Variants in OGA observed in about 807,000 individuals in gnomAD.
OGA encodes the protein protein O-GlcNAcase.
OGA carries 21 observed loss-of-function variants against 102.0 expected under a neutral mutation model. The ratio of observed to expected loss-of-function variants is 0.21; its 90% CI spans 0.15 to 0.30. OGA has a LOEUF of 0.30. Among genes scored for constraint, OGA ranks in the 10% least tolerant of loss-of-function variants. The pLI is 1.00. For missense variants in OGA, 765 were observed against 1,107.8 expected, an observed-to-expected ratio of 0.69 and a Z score of 4.39; for synonymous variants, 408 against 378.2, an observed-to-expected ratio of 1.08 and a Z score of -0.91.
chr10:101,801,719 G>T (rs555272339), intron 7 of OGA, among the ~76,000 whole-genome samples: 27 of 152,258 alleles, frequency 1.8e-4, no homozygotes, highest in African/African-American at 6.5e-4. Context: ...CCAAACAAAA[G>T]GGAGACATTA....
chr10:101,786,331 G>A lies in OGA; in HGVS notation c.*120C>T. The A allele has an allele frequency of 9.3e-7, 1 of 1,079,928 alleles. No individual in the cohort carries two copies. The highest frequency in any genetic ancestry group is 3.0e-5 in the Admixed American group (1 of 33,732). The allele number at this position is 1,079,928 out of a possible 1,614,324, so 66.9% of individuals were successfully genotyped here. A position where few individuals can be genotyped will look rare whatever the true frequency, so the allele number is the denominator to read the frequency against. On this transcript the variant is annotated 3_prime_UTR_variant, in exon 16 of 16. Transcript: ENST00000361464. ...GGGTGAGTTTTACATAGTCTTCTTT[G>A]TTTCGAATCCAATTGGCTGATTTGT...
chr10:101,815,397 G>GTC (rs929258173), intron 1 of OGA, among the ~76,000 whole-genome samples: 18 of 151,864 alleles, frequency 1.2e-4, no homozygotes, highest in African/African-American at 4.4e-4. Flanking sequence ...CGATTCTCCT[G>GTC]TCTCAGCCTC....
At chr10:101,792,143 C>G (rs1363401924) in intron 12 of OGA, among the ~76,000 whole-genome samples, 1 of 152,164 alleles carries the variant, frequency 6.6e-6, no homozygotes, top group East Asian at 1.9e-4. Flanking sequence ...CTCAGCCTCC[C>G]GAGTAGCTGG....
At chr10:101,794,951 T>C (rs1252789157) in intron 10 of OGA, among the ~76,000 whole-genome samples, 1 of 152,212 alleles carries the variant, frequency 6.6e-6, no homozygotes, top group East Asian at 1.9e-4. Flanking sequence ...AGTACAAATA[T>C]AGTGTGCTAG....
Position 101,797,964 on chromosome 10 carries a change from T to C in OGA, c.1984+16A>G. On this transcript the variant is annotated intron_variant, in intron 10 of 15. Transcript: ENST00000361464. ...CAATATATTTGAGGAGAAGAGATTA[T>C]TCCTGGTGCACCTACCTAACCACTG... 6.2e-7 allele frequency: 1 copy of C among 1,605,810 alleles called. No homozygotes were observed. The highest frequency in any genetic ancestry group is 1.1e-5 in the South Asian group (1 of 90,876).
Position 101,791,412 on chromosome 10 carries a change from T to C in OGA, c.2203A>G (p.Met735Val), listed in dbSNP as rs1432545635. Residue 735 changes from methionine to valine, a missense_variant, in exon 13 of 16, where the codon ATG (methionine) becomes GTG (valine). By Grantham distance (21) the Met-to-Val change is conservative. Transcript: ENST00000361464. ...EASVYKICRE[M>V]YDDGVGLPFQ... ...GGTAAACCCACTCCATCGTCATACA[T>C]TTCTCTGCAAATCTTGTACACGGAT... 7 of 1,614,098 alleles carry C rather than the reference T, an allele frequency of 4.3e-6. No individual in the cohort carries two copies. Among genetic ancestry groups the C allele is most frequent in the Non-Finnish European group, 5.9e-6 (7 of 1,179,994 alleles).
chr10:101,792,049 G>A (rs1002703940), intron 12 of OGA, among the ~76,000 whole-genome samples: 4 of 146,428 alleles, frequency 2.7e-5, no homozygotes, highest in Admixed American at 6.8e-5. Flanking sequence ...ACGGAGTCTC[G>A]CTCTGTCGCC....
In OGA at chr10:101,788,304, C is replaced by T. The variant is rs576540695; in HGVS notation, c.2455-781G>A. Among the ~76,000 whole-genome samples the T allele has an allele frequency of 2.9e-5, 4 of 137,974 alleles. No homozygotes were observed. In the Admixed American group the frequency reaches 2.9e-4, roughly 10 times the overall value. The allele number at this position is 137,974 out of a possible 152,430, so 90.5% of individuals were successfully genotyped here. A position where few individuals can be genotyped will look rare whatever the true frequency, so the allele number is the denominator to read the frequency against. On this transcript the variant is annotated intron_variant, in intron 14 of 15. Coordinates refer to ENST00000361464, the MANE Select transcript of OGA (RefSeq NM_012215.5). Reference sequence around the variant, plus strand: ...AACATAAAAAATTAGCCAGTCATGGCGGCGTGCGCCTGTAGTCCCAGCAAC... The same window carrying T: ...AACATAAAAAATTAGCCAGTCATGGTGGCGTGCGCCTGTAGTCCCAGCAAC...
Position 101,812,552 on chromosome 10 carries a change from G to C in OGA, c.349+478C>G, listed in dbSNP as rs529932091. On this transcript the variant is annotated intron_variant, in intron 3 of 15. Transcript: ENST00000361464. ...AGCAAAAGGAACAATCAGTAGTGCT[G>C]ATCCTGTCTTTACCTAAAATTTTAG... Among the ~76,000 whole-genome samples, 53 of 152,318 alleles carry C rather than the reference G, an allele frequency of 3.5e-4. No individual in the cohort carries two copies. The South Asian group carries it at 4.3e-3, about 13-fold the overall frequency.
At chr10:101,816,338 G>C (rs945176603) in intron 1 of OGA, among the ~76,000 whole-genome samples, 1 of 152,174 alleles carries the variant, frequency 6.6e-6, no homozygotes, top group Admixed American at 6.5e-5. Flanking sequence ...ATATACAAGG[G>C]CACGGGAGGG....
At chr10:101,805,597 G>A (rs1164965894) in intron 6 of OGA, among the ~76,000 whole-genome samples, 3 of 151,052 alleles carry the variant, frequency 2.0e-5, no homozygotes, top group Non-Finnish European at 4.4e-5. Context: ...AGAGTTTGCA[G>A]GGAGCTGAGA....
At chr10:101,811,460 T>G (rs2065557337) in intron 3 of OGA, among the ~76,000 whole-genome samples, 1 of 147,564 alleles carries the variant, frequency 6.8e-6, no homozygotes, top group African/African-American at 2.5e-5. Flanking sequence ...CCCAGCACTT[T>G]GAGAGGCCAC....
chr10:101,808,164 G>A (rs539970960), intron 4 of OGA, among the ~76,000 whole-genome samples: 1 of 152,118 alleles, frequency 6.6e-6, no homozygotes, highest in South Asian at 2.1e-4. Flanking sequence ...TTTCATTTTT[G>A]TTTTTTCCTG....
intron 8 of OGA, among the ~76,000 whole-genome samples, 173 bp from the exon 9 acceptor site, chr10:101,799,628 G>A (rs2065363262): frequency 6.6e-6 from 1 of 152,152 alleles, no homozygotes; most frequent in African/African-American, 2.4e-5. Flanking sequence ...TACTACTAGG[G>A]ATGCAGGAAT....
intron 14 of OGA, among the ~76,000 whole-genome samples, chr10:101,789,808 T>C (rs2065235302): frequency 6.6e-6 from 1 of 151,992 alleles, no homozygotes; most frequent in Non-Finnish European, 1.5e-5. Flanking sequence ...ACCCCATCTC[T>C]ACAAAAAAAA....
intron 1 of OGA, among the ~76,000 whole-genome samples, chr10:101,817,169 T>C (rs918796274): frequency 7.2e-5 from 11 of 152,224 alleles, no homozygotes; most frequent in African/African-American, 2.7e-4. Flanking sequence ...GAGAAGGGCA[T>C]TTTTAAAGCC....
At position 101,786,433 on chromosome 10, in the gene OGA, T is replaced by C; in HGVS notation, c.*18A>G. 6.3e-7 allele frequency: 1 copy of C among 1,598,402 alleles called. No homozygotes were observed. The highest frequency in any genetic ancestry group is 8.5e-7 in the Non-Finnish European group (1 of 1,173,614). ...TGCAGTTAAGAGACTTTTGGACAGT[T>C]CACAGTGTCAACAAATGTCACAGGC... On this transcript the variant is annotated 3_prime_UTR_variant, in exon 16 of 16. Transcript: ENST00000361464.
In OGA at chr10:101,817,804, G is replaced by A. The variant is rs1323417530; in HGVS notation, c.199+20C>T. On this transcript the variant is annotated intron_variant, in intron 1 of 15. Coordinates refer to ENST00000361464, the MANE Select transcript of OGA (RefSeq NM_012215.5). ...CAGAACGTGTTAGTGCCAAAACGGG[G>A]AGGGAAGGAGGGCGCTCACCTTCCA... The A allele has an allele frequency of 1.6e-5, 24 of 1,535,874 alleles. No homozygotes were observed. The highest frequency in any genetic ancestry group is 2.0e-5 in the Non-Finnish European group (23 of 1,146,128).
chr10:101,810,411 A>G, intron 3 of OGA, 97 bp from the exon 4 acceptor site: 1 of 1,098,662 alleles, frequency 9.1e-7, no homozygotes. Context: ...TCTAACTTAC[A>G]AGAAAGGAAA....
Sources: gnomAD v4.1 joint callset for allele counts (sites outside exome capture counted in the v4.1 genomes callset) on GRCh38, gnomAD v4.1.1 for gene constraint, MANE v1.5 for transcripts, NCBI Gene and HGNC (gene_info 2026-07-23, HGNC 2026-07-21) for gene names.